PTPRN2: variants seen among roughly 807,000 people sequenced by gnomAD.
The protein encoded by PTPRN2 is protein tyrosine phosphatase receptor type N2.
In PTPRN2, 74 loss-of-function variants were observed where a neutral mutation model predicts 118.8. The ratio of observed to expected loss-of-function variants is 0.62; its 90% confidence interval spans 0.52 to 0.76. The LOEUF is 0.76. Ranked by LOEUF, PTPRN2 falls within the 30% of genes least tolerant of loss-of-function variation. The pLI is 0.00. For synonymous variants in PTPRN2, 641 were observed against 608.0 expected, an observed-to-expected ratio of 1.05 and a Z score of -0.80; for missense variants, 1,481 against 1,394.4, an observed-to-expected ratio of 1.06 and a Z score of -0.99.
intron 2 of PTPRN2, among the ~76,000 whole-genome samples, chr7:158,394,664 T>C (rs1347213022): frequency 6.6e-6 from 1 of 152,240 alleles, no homozygotes; most frequent in African/African-American, 2.4e-5. Context: ...GAGCAGATTT[T>C]TGCTGCTGGG....
rs1364268017 is a variant in PTPRN2, at chr7:158,565,407, G to T, written c.112+22151C>A. On this transcript the variant is annotated intron_variant, in intron 1 of 22. Coordinates refer to ENST00000389418, the MANE Select transcript of PTPRN2 (RefSeq NM_002847.5). This position sits in a 1 kb window ranked among gnomAD's most constrained non-coding sequence, Gnocchi z 4.6. ...GGTGAGACAGAGCCAGCTCTGGGCT[G>T]TGGCTGGTCATCTCAACCCCAGGTG... Among the ~76,000 whole-genome samples, 1 of 152,204 alleles carries T rather than the reference G, an allele frequency of 6.6e-6. No homozygotes were observed. Among genetic ancestry groups the T allele is most frequent in the Non-Finnish European group, 1.5e-5 (1 of 68,038 alleles).
intron 3 of PTPRN2, among the ~76,000 whole-genome samples, chr7:158,305,660 G>A (rs2151059290): frequency 1.3e-5 from 2 of 152,200 alleles, no homozygotes; most frequent in South Asian, 4.1e-4. Context: ...AGACATCAGT[G>A]AAAATGGCAA....
chr7:157,776,450 C>G (rs1803266380), intron 12 of PTPRN2, among the ~76,000 whole-genome samples: 1 of 140,956 alleles, frequency 7.1e-6, no homozygotes, highest in Non-Finnish European at 1.6e-5. Context: ...CTTCCTCACT[C>G]TCCTCCTCCT....
chr7:157,727,311 C>T (rs1005933477), intron 12 of PTPRN2, among the ~76,000 whole-genome samples: 2 of 152,186 alleles, frequency 1.3e-5, no homozygotes, highest in African/African-American at 4.8e-5. Flanking sequence ...GGAGGGGGTG[C>T]AGACATATGG....
Position 157,595,292 on chromosome 7 carries a change from G to A in PTPRN2, c.2442C>T (p.Pro814=), listed in dbSNP as rs78328889. The A allele has an allele frequency of 1.2e-5, 20 of 1,614,188 alleles. No homozygotes were observed. The highest frequency in any genetic ancestry group is 1.1e-4 in the East Asian group (5 of 44,884). The change falls in exon 17 of 23, where the codon CCC becomes CCT. Residue 814 remains proline (P), a synonymous_variant. Coordinates refer to ENST00000389418, the MANE Select transcript of PTPRN2 (RefSeq NM_002847.5). ...GCGGTCCCTGGGTGGCGATGTACGCGGGGTTCCTCGGGTCGTGATCCATCT... is the reference window on the plus strand; with the variant it reads ...GCGGTCCCTGGGTGGCGATGTACGCAGGGTTCCTCGGGTCGTGATCCATCT... The part of the protein sequence containing the change: ...SPIMDHDPRN[P]AYIATQGPLP...
In PTPRN2 at chr7:158,192,228, G is replaced by A. The variant is rs947208305; in HGVS notation, c.549+99C>T. On this transcript the variant is annotated intron_variant, in intron 5 of 22. Transcript: ENST00000389418. ...ATGCCCGCTGGCCCGGGAAACAGGC[G>A]CAAAGCCAAGAGGAGCCAGCGACTA... 1.0e-4 allele frequency: 134 copies of A among 1,291,892 alleles called. No homozygotes were observed. In the East Asian group the frequency reaches 1.1e-3, roughly 10 times the overall value. 80.0% of individuals were successfully genotyped at this position (1,291,892 alleles called of 1,614,324 possible).
chr7:157,696,244 T>G (rs1797768747), intron 12 of PTPRN2, among the ~76,000 whole-genome samples: 1 of 142,506 alleles, frequency 7.0e-6, no homozygotes, highest in South Asian at 2.4e-4. Context: ...CCATGCATAC[T>G]GGATCTTAGT....
chr7:158,154,996 G>C (rs1053344766), intron 6 of PTPRN2, among the ~76,000 whole-genome samples: 2 of 152,212 alleles, frequency 1.3e-5, no homozygotes, highest in Admixed American at 6.5e-5. Flanking sequence ...GCAGCACAGA[G>C]CACAGATAAC....
chr7:157,750,072 G>T (rs1369183384), intron 12 of PTPRN2, among the ~76,000 whole-genome samples: 1 of 152,042 alleles, frequency 6.6e-6, no homozygotes, highest in Non-Finnish European at 1.5e-5. Context: ...GGATTCTGAG[G>T]GCTCTTTTGC....
chr7:158,337,368 C>A (rs1805834040), intron 2 of PTPRN2, among the ~76,000 whole-genome samples: 3 of 106,610 alleles, frequency 2.8e-5, no homozygotes, highest in African/African-American at 3.3e-5. Context: ...GTCCCTCACA[C>A]CCACACTCTC....
chr7:158,406,056 CCGCACA>C (rs1813398575), intron 2 of PTPRN2, among the ~76,000 whole-genome samples: 1 of 130,452 alleles, frequency 7.7e-6, no homozygotes, highest in Non-Finnish European at 1.6e-5. Flanking sequence ...AGACACGTGG[CCGCACA>C]CTGAGATCCC....
At chr7:158,333,579 C>T (rs560433944) in intron 2 of PTPRN2, among the ~76,000 whole-genome samples, 191 of 151,086 alleles carry the variant, frequency 1.3e-3, no homozygotes, top group African/African-American at 4.2e-3. Context: ...GAGCTGATGC[C>T]GGCACACGTC....
At chr7:158,259,377 CCT>C (rs1325715194) in intron 3 of PTPRN2, among the ~76,000 whole-genome samples, 2 of 152,152 alleles carry the variant, frequency 1.3e-5, no homozygotes, top group African/African-American at 4.8e-5. Context: ...GGGCAAGCGG[CCT>C]CTCATCCCAC....
rs1408690540 is a variant in PTPRN2 at position 158,167,043 on chromosome 7, C to T, written c.798G>A (p.Gln266=). ...TTCTTGAGGGTGCACGCAGAAGGTACTGTGGCTCCAGGCTGCCCTCCCCGG... is the reference window on the plus strand; with the variant it reads ...TTCTTGAGGGTGCACGCAGAAGGTATTGTGGCTCCAGGCTGCCCTCCCCGG... ...APPGEGSLEP[Q]YLLRAPSRMP... is the part of the protein sequence containing the mutation. The change falls in exon 6 of 23, where the codon CAG becomes CAA. Residue 266 remains glutamine, a synonymous_variant. Coordinates refer to ENST00000389418, the MANE Select transcript of PTPRN2 (RefSeq NM_002847.5). 5 of 1,558,628 alleles carry T rather than the reference C, an allele frequency of 3.2e-6. No individual in the cohort carries two copies. Among genetic ancestry groups the T allele is most frequent in the Admixed American group, 3.9e-5 (2 of 51,158 alleles).
chr7:158,450,164 C>G (rs1376731403), intron 2 of PTPRN2, among the ~76,000 whole-genome samples: 2 of 152,250 alleles, frequency 1.3e-5, no homozygotes, highest in Non-Finnish European at 2.9e-5. Flanking sequence ...AAGACCCCAT[C>G]TAACCCAATC....
chr7:158,561,251 C>T (rs554487492), intron 1 of PTPRN2, among the ~76,000 whole-genome samples: 1 of 152,310 alleles, frequency 6.6e-6, no homozygotes, highest in African/African-American at 2.4e-5. Flanking sequence ...CTCATTACTA[C>T]TTCAAGGTAT....
chr7:157,788,641 G>C (rs1216252181), intron 12 of PTPRN2, among the ~76,000 whole-genome samples: 1 of 152,226 alleles, frequency 6.6e-6, no homozygotes, highest in East Asian at 1.9e-4. Context: ...CCAGCTCCCA[G>C]GCATGCAGCC....
chr7:157,572,810 C>T (rs906907413), intron 19 of PTPRN2, among the ~76,000 whole-genome samples: 1 of 152,230 alleles, frequency 6.6e-6, no homozygotes, highest in African/African-American at 2.4e-5. Context: ...CTGTGAAACA[C>T]GAGGCTGATG....
At chr7:157,589,969 C>T (rs1469294905) in intron 17 of PTPRN2, among the ~76,000 whole-genome samples, 1 of 152,178 alleles carries the variant, frequency 6.6e-6, no homozygotes, top group Non-Finnish European at 1.5e-5. Flanking sequence ...TCTCACCACC[C>T]CGGCTGTTTC....
Sources: allele counts gnomAD v4.1 joint callset (sites outside exome capture counted in the v4.1 genomes callset), GRCh38; gene constraint gnomAD v4.1.1; non-coding constraint Gnocchi (gnomAD v3.1); transcripts MANE v1.5; gene names NCBI Gene and HGNC (gene_info 2026-07-23, HGNC 2026-07-21).